Variants in TAFA4 observed in about 807,000 individuals in gnomAD.
TAFA4 encodes the protein TAFA chemokine like family member 4, also known as chemokine-like protein TAFA-4.
In TAFA4, 20 loss-of-function variants were observed where a neutral mutation model predicts 21.1. The ratio of observed to expected loss-of-function variants is 0.95; its 90% CI spans 0.67 to 1.38. The LOEUF (loss-of-function observed/expected upper bound fraction) is 1.38, where lower values mean the gene tolerates loss of function less well. Among genes scored for constraint, TAFA4 ranks in the 40% most tolerant of loss-of-function variants. TAFA4 has a pLI of 0.00. For synonymous variants in TAFA4, 71 were observed against 67.4 expected (o/e 1.05, Z -0.26); for missense variants, 211 against 180.9 (o/e 1.17, Z -0.95).
intron 1 of TAFA4, among the ~76,000 whole-genome samples, chr3:68,923,148 C>T (rs955821319): frequency 2.0e-5 from 3 of 152,158 alleles, no homozygotes; most frequent in African/African-American, 7.2e-5. Flanking sequence ...TGTCAGACAC[C>T]TATTTGTGCA....
intron 3 of TAFA4, among the ~76,000 whole-genome samples, chr3:68,871,240 T>C (rs1475492251): frequency 6.6e-6 from 1 of 152,078 alleles, no homozygotes; most frequent in Non-Finnish European, 1.5e-5. Flanking sequence ...CATTCTACTG[T>C]AAAGACACAT....
chr3:68,877,286 G>T (rs1209055447), intron 3 of TAFA4, among the ~76,000 whole-genome samples: 9 of 152,142 alleles, frequency 5.9e-5, no homozygotes, highest in Admixed American at 4.6e-4. Flanking sequence ...TTGAACCTGG[G>T]AGGCAGAGGT....
chr3:68,809,233 C>A (rs906216066), intron 3 of TAFA4, among the ~76,000 whole-genome samples: 2 of 152,136 alleles, frequency 1.3e-5, no homozygotes, highest in Non-Finnish European at 2.9e-5. Flanking sequence ...TAGAAGTGAG[C>A]TTACACATTT....
chr3:68,929,945 T>C (rs2090143994), intron 1 of TAFA4, among the ~76,000 whole-genome samples: 1 of 152,250 alleles, frequency 6.6e-6, no homozygotes, highest in South Asian at 2.1e-4. Flanking sequence ...TGGCTGCTGA[T>C]GATGTCATAT....
intron 3 of TAFA4, among the ~76,000 whole-genome samples, chr3:68,831,466 G>C (rs1466637480): frequency 1.3e-5 from 2 of 152,172 alleles, no homozygotes; most frequent in African/African-American, 4.8e-5. Context: ...GGCTGGATGT[G>C]AAATTCTGGG....
Position 68,732,875 on chromosome 3 carries a change from T to G in TAFA4, c.*267A>C. On this transcript the variant is annotated 3_prime_UTR_variant, in exon 6 of 6. Transcript: ENST00000295569. ...CCATTTTGAAGACTCTGATTTGCTCTTCTCGGATTTTGGAGGTATGCTCCT... is the reference window on the plus strand; with the variant it reads ...CCATTTTGAAGACTCTGATTTGCTCGTCTCGGATTTTGGAGGTATGCTCCT... 1 of 484,818 alleles carries G rather than the reference T, an allele frequency of 2.1e-6. No individual in the cohort carries two copies. The highest frequency in any genetic ancestry group is 3.7e-6 in the Non-Finnish European group (1 of 271,986). The allele number at this position is 484,818 out of a possible 1,614,324, so 30.0% of individuals were successfully genotyped here.
intron 3 of TAFA4, among the ~76,000 whole-genome samples, chr3:68,855,921 T>C (rs543315834): frequency 1.3e-5 from 2 of 152,252 alleles, no homozygotes; most frequent in East Asian, 3.9e-4. Context: ...CCTGTTTTCC[T>C]TTGCCCTTTC....
intron 1 of TAFA4, among the ~76,000 whole-genome samples, chr3:68,924,920 A>C (rs1252605493): frequency 6.6e-6 from 1 of 152,170 alleles, no homozygotes; most frequent in Non-Finnish European, 1.5e-5. Context: ...GGATGTTTAA[A>C]TGTTAACCAA....
At chr3:68,737,389 C>A (rs983964) in intron 5 of TAFA4, among the ~76,000 whole-genome samples, 1 of 151,880 alleles carries the variant, frequency 6.6e-6, no homozygotes, top group Non-Finnish European at 1.5e-5. Context: ...GACCTCCTTG[C>A]ACCACCAGTA....
chr3:68,869,259 CT>C (rs1354121982), intron 3 of TAFA4, among the ~76,000 whole-genome samples: 1 of 152,038 alleles, frequency 6.6e-6, no homozygotes, highest in Non-Finnish European at 1.5e-5. Flanking sequence ...GATGGCTTCA[CT>C]GCTGAATTCC....
At chr3:68,912,341 G>T (rs1207589298) in intron 1 of TAFA4, among the ~76,000 whole-genome samples, 1 of 152,128 alleles carries the variant, frequency 6.6e-6, no homozygotes, top group African/African-American at 2.4e-5. Flanking sequence ...GGAGAAGGGG[G>T]AAATAGCCAT....
At chr3:68,875,229 T>G (rs2089532883) in intron 3 of TAFA4, among the ~76,000 whole-genome samples, 1 of 134,598 alleles carries the variant, frequency 7.4e-6, no homozygotes, top group Non-Finnish European at 1.6e-5. Context: ...AAACTTCCAG[T>G]TTTTTTTTTT....
intron 3 of TAFA4, among the ~76,000 whole-genome samples, chr3:68,765,063 A>G (rs1359118878): frequency 6.6e-6 from 1 of 151,044 alleles, no homozygotes; most frequent in East Asian, 2.1e-4. Context: ...CTGTTAAAAA[A>G]AACTATATAT....
intron 3 of TAFA4, among the ~76,000 whole-genome samples, chr3:68,842,312 T>C (rs537573198): frequency 6.6e-6 from 1 of 152,338 alleles, no homozygotes; most frequent in East Asian, 1.9e-4. Context: ...GATGAGCTTT[T>C]TTTCATATGT....
intron 1 of TAFA4, among the ~76,000 whole-genome samples, chr3:68,888,435 TAC>T (rs1385624578): frequency 6.6e-6 from 1 of 152,104 alleles, no homozygotes; most frequent in Non-Finnish European, 1.5e-5. Flanking sequence ...TTCACAGCAA[TAC>T]AGTTTTTCAG....
rs548677987 is a variant in TAFA4, at chr3:68,785,724, G to A, written c.131-32706C>T. ...CAGAAAGGGACTCCCACAGTGCAGC[G>A]GCAGGCTGAAGGGCTCCTCAAGTGC... On this transcript the variant is annotated intron_variant, in intron 3 of 5. Transcript: ENST00000295569. Among the ~76,000 whole-genome samples the A allele has an allele frequency of 2.0e-5, 3 of 152,356 alleles. No individual in the cohort carries two copies. In the East Asian group the frequency reaches 5.8e-4, roughly 29 times the overall value.
At chr3:68,822,298 T>C (rs1704130240) in intron 3 of TAFA4, among the ~76,000 whole-genome samples, 1 of 152,164 alleles carries the variant, frequency 6.6e-6, no homozygotes. Context: ...TGCTCTCCAA[T>C]AAGCTACTCT....
At chr3:68,739,938 A>G (rs575817657) in intron 4 of TAFA4, among the ~76,000 whole-genome samples, 1 of 152,324 alleles carries the variant, frequency 6.6e-6, no homozygotes, top group African/African-American at 2.4e-5. Context: ...TGGCTACACT[A>G]AAAGCCCAGA....
At chr3:68,767,052 TG>T (rs1199474580) in intron 3 of TAFA4, among the ~76,000 whole-genome samples, 1 of 152,204 alleles carries the variant, frequency 6.6e-6, no homozygotes, top group Non-Finnish European at 1.5e-5. Context: ...TTTATTTTTT[TG>T]TTTTGAATAT....
Sources: gnomAD v4.1 joint callset for allele counts (sites outside exome capture counted in the v4.1 genomes callset) on GRCh38, gnomAD v4.1.1 for gene constraint, MANE v1.5 for transcripts, NCBI Gene and HGNC (gene_info 2026-07-23, HGNC 2026-07-21) for gene names.